The following CD200R1 variants were observed in gnomAD, a reference collection of about 807,000 sequenced individuals.
CD200R1 encodes the protein cell surface glycoprotein CD200 receptor 1.
In CD200R1, 30 loss-of-function variants were observed where a neutral mutation model predicts 38.1. That is an observed-to-expected ratio of 0.79 (90% CI 0.59 to 1.07). The LOEUF (loss-of-function observed/expected upper bound fraction) is 1.07, where lower values mean the gene tolerates loss of function less well. Ranked by LOEUF, CD200R1 falls within the 50% of genes least tolerant of loss-of-function variation. The pLI is 0.00. For missense variants in CD200R1, 372 were observed against 415.4 expected (o/e 0.90, Z 0.91); for synonymous variants, 128 against 152.1 (o/e 0.84, Z 1.16).
At chr3:112,927,963 A>C (rs1940320182) in intron 5 of CD200R1, among the ~76,000 whole-genome samples, 1 of 152,212 alleles carries the variant, frequency 6.6e-6, no homozygotes, top group Non-Finnish European at 1.5e-5. Context: ...CAGTACTTAA[A>C]TATTCAAATT....
chr3:112,925,162 A>T lies in CD200R1; in HGVS notation c.801T>A (p.Tyr267Ter). The T allele has an allele frequency of 1.2e-6, 2 of 1,604,722 alleles. No individual in the cohort carries two copies. Among genetic ancestry groups the T allele is most frequent in the Non-Finnish European group, 1.7e-6 (2 of 1,173,160 alleles). Residue 267 changes from tyrosine to a stop codon, truncating the protein, a stop_gained, in exon 6 of 8, where the codon TAT (tyrosine) becomes TAA (stop). Coordinates refer to ENST00000308611, the MANE Select transcript of CD200R1 (RefSeq NM_138806.4). LOFTEE classifies it high-confidence loss of function. ...TAATAGTAAGGATGATATATGGAAT[A>T]TATAATTTTGCTGATTTTTTGGCAC... ...VPGAKKSAKL[Y>*]IPYIILTIII...
chr3:112,932,830 A>G (rs2107308423), intron 2 of CD200R1, among the ~76,000 whole-genome samples: 1 of 152,002 alleles, frequency 6.6e-6, no homozygotes, highest in Admixed American at 6.5e-5. Context: ...ACAGCCCCAC[A>G]AGCTCACTGT....
chr3:112,967,007 G>T (rs1446253370), intron 1 of CD200R1, among the ~76,000 whole-genome samples: 3 of 152,084 alleles, frequency 2.0e-5, no homozygotes, highest in Non-Finnish European at 4.4e-5. Context: ...CTAAGTTGTT[G>T]ATGGATTTTA....
intron 1 of CD200R1, among the ~76,000 whole-genome samples, chr3:112,948,931 G>A (rs529204524): frequency 2.6e-5 from 4 of 152,320 alleles, no homozygotes; most frequent in South Asian, 4.1e-4. Flanking sequence ...TGCAATGATC[G>A]AAGTTGCCTG....
chr3:112,958,189 C>T (rs927190886), intron 1 of CD200R1, among the ~76,000 whole-genome samples: 1 of 151,952 alleles, frequency 6.6e-6, no homozygotes, highest in Admixed American at 6.6e-5. Flanking sequence ...CATAAATGTT[C>T]ACAGTGGCCT....
At chr3:112,935,444 T>C (rs995791416) in intron 2 of CD200R1, among the ~76,000 whole-genome samples, 8 of 152,172 alleles carry the variant, frequency 5.3e-5, no homozygotes, top group Non-Finnish European at 8.8e-5. Context: ...CATTTGAAAC[T>C]ATACAAATAC....
At chr3:112,946,032 C>CAG (rs1940849390) in intron 2 of CD200R1, among the ~76,000 whole-genome samples, 1 of 71,854 alleles carries the variant, frequency 1.4e-5, no homozygotes, top group African/African-American at 5.6e-5. Flanking sequence ...GACTCCGTCT[C>CAG]AAAAAAAAAA....
chr3:112,929,306 T>A lies in CD200R1; in HGVS notation c.404A>T (p.Asp135Val). 1 of 1,614,194 alleles carries A rather than the reference T, an allele frequency of 6.2e-7. No homozygotes were observed. The highest frequency in any genetic ancestry group is 8.5e-7 in the Non-Finnish European group (1 of 1,180,024). ...DERITWVSRP[D>V]QNSDLQIRTV... ...ACGAATCTGAAGGTCCGAATTCTGA[T>A]CAGGTCTGGAGACCCAGGTTATTCT... Residue 135 changes from aspartate to valine, a missense_variant, in exon 4 of 8, where the codon GAT becomes GTT. Physicochemically the swap from Asp to Val is radical, Grantham distance 152. Transcript: ENST00000308611.
At chr3:112,935,910 A>C (rs556279321) in intron 2 of CD200R1, among the ~76,000 whole-genome samples, 1 of 152,296 alleles carries the variant, frequency 6.6e-6, no homozygotes, top group East Asian at 1.9e-4. Context: ...TATTAAGCCC[A>C]GCATCCATCA....
chr3:112,962,339 T>C (rs897159988), intron 1 of CD200R1, among the ~76,000 whole-genome samples: 3 of 152,042 alleles, frequency 2.0e-5, no homozygotes, highest in African/African-American at 7.2e-5. Flanking sequence ...ACTGAATACA[T>C]ATGCATATTA....
chr3:112,963,801 G>A (rs1933084977), intron 1 of CD200R1, among the ~76,000 whole-genome samples: 1 of 152,284 alleles, frequency 6.6e-6, no homozygotes, highest in Non-Finnish European at 1.5e-5. Context: ...CCCAAGACAA[G>A]GTGGAAAATG....
At chr3:112,947,700 A>G (rs924202081) in intron 2 of CD200R1, among the ~76,000 whole-genome samples, 156 bp downstream of exon 2, 1 of 152,206 alleles carries the variant, frequency 6.6e-6, no homozygotes, top group African/African-American at 2.4e-5. Flanking sequence ...AAGCATAGAA[A>G]TAATTTCAGA....
chr3:112,949,463 GC>G (rs1413705251), intron 1 of CD200R1, among the ~76,000 whole-genome samples: 2 of 152,158 alleles, frequency 1.3e-5, no homozygotes, highest in African/African-American at 4.8e-5. Flanking sequence ...TGGGTAATTT[GC>G]CTATGTTCTT....
At chr3:112,937,194 A>C (rs1396642994) in intron 2 of CD200R1, among the ~76,000 whole-genome samples, 1 of 152,122 alleles carries the variant, frequency 6.6e-6, no homozygotes, top group Non-Finnish European at 1.5e-5. Context: ...AAGCAAAAGG[A>C]GGAAAAGCCC....
chr3:112,928,404 T>A (rs1940330484), intron 5 of CD200R1, among the ~76,000 whole-genome samples: 1 of 152,120 alleles, frequency 6.6e-6, no homozygotes, highest in African/African-American at 2.4e-5. Context: ...ATTTAAGAAA[T>A]TCAATGATGA....
chr3:112,961,056 A>T (rs574203140), intron 1 of CD200R1, among the ~76,000 whole-genome samples: 1 of 152,212 alleles, frequency 6.6e-6, no homozygotes, highest in East Asian at 1.9e-4. Flanking sequence ...TGTTCAGCAA[A>T]AAAAAGAAAG....
In CD200R1 at chr3:112,942,753, T is replaced by C. The variant is rs1440678314; in HGVS notation, c.136+5103A>G. 2.0e-5 allele frequency among the ~76,000 whole-genome samples: 3 copies of C among 151,614 alleles called. No homozygotes were observed. The East Asian group carries it at 5.8e-4, about 29-fold the overall frequency. On this transcript the variant is annotated intron_variant, in intron 2 of 7. Coordinates refer to ENST00000308611, the MANE Select transcript of CD200R1 (RefSeq NM_138806.4). ...TGAAATCTAAAGAGATATATATATA[T>C]ATGTAGTTTGAAAGAAAAGGGATGA...
At chr3:112,946,472 C>T (rs981494273) in intron 2 of CD200R1, among the ~76,000 whole-genome samples, 5 of 152,128 alleles carry the variant, frequency 3.3e-5, no homozygotes, top group African/African-American at 1.2e-4. Context: ...CAGCAATATG[C>T]AAGCAAACAA....
At chr3:112,944,480 A>C (rs113112216) in intron 2 of CD200R1, among the ~76,000 whole-genome samples, 2 of 151,558 alleles carry the variant, frequency 1.3e-5, no homozygotes, top group African/African-American at 4.8e-5. Flanking sequence ...ATAAAGAGAA[A>C]TTTCTCAACT....
Sources: allele counts gnomAD v4.1 joint callset (sites outside exome capture counted in the v4.1 genomes callset), GRCh38; gene constraint gnomAD v4.1.1; transcripts MANE v1.5; gene names NCBI Gene and HGNC (gene_info 2026-07-23, HGNC 2026-07-21).